HTR1F: variants seen among roughly 807,000 people sequenced by gnomAD.
HTR1F encodes 5-hydroxytryptamine (serotonin) receptor 1F, G protein-coupled.
A neutral mutation model predicts 24.0 loss-of-function variants in HTR1F; 17 were observed. That is an observed-to-expected ratio of 0.71 (90% CI 0.48 to 1.06). The LOEUF (loss-of-function observed/expected upper bound fraction) is 1.06. Among genes scored for constraint, HTR1F ranks in the 50% least tolerant of loss-of-function variants. HTR1F has a pLI of 0.00. For synonymous variants in HTR1F, 186 were observed against 156.8 expected, an observed-to-expected ratio of 1.19 and a Z score of -1.39; for missense variants, 391 against 427.8, an observed-to-expected ratio of 0.91 and a Z score of 0.76.
chr3:87,834,330 C>A (rs1199895096), intron 2 of HTR1F, among the ~76,000 whole-genome samples: 3 of 151,766 alleles, frequency 2.0e-5, no homozygotes, highest in African/African-American at 7.3e-5. Context: ...TATATGCGCA[C>A]AAATACTCAT....
At chr3:87,939,438 CAGA>C (rs1344524424) in intron 2 of HTR1F, among the ~76,000 whole-genome samples, 11 of 152,236 alleles carry the variant, frequency 7.2e-5, no homozygotes, top group Admixed American at 7.2e-4. Context: ...GGAATAATTT[CAGA>C]AGGAATGGTA....
In HTR1F at chr3:87,914,650, C is replaced by T. The variant is rs547325798; in HGVS notation, c.-42-76058C>T. ...TCCTAGGTACACAATTCCATTGACC[C>T]GGGAACCTCACCCCCATCCTCCACA... On this transcript the variant is annotated intron_variant, in intron 2 of 2. Coordinates refer to ENST00000319595, the MANE Select transcript of HTR1F (RefSeq NM_001322209.2). 1.3e-4 allele frequency among the ~76,000 whole-genome samples: 20 copies of T among 152,074 alleles called. No homozygotes were observed. In the South Asian group the frequency reaches 3.1e-3, roughly 24 times the overall value.
At chr3:87,916,317 A>G (rs1338383783) in intron 2 of HTR1F, among the ~76,000 whole-genome samples, 6 of 150,976 alleles carry the variant, frequency 4.0e-5, no homozygotes, top group Middle Eastern at 3.4e-3. Flanking sequence ...AAGAAAAAAA[A>G]AAAAAAAAAA....
chr3:87,820,963 A>G (rs1295678105), intron 1 of HTR1F, among the ~76,000 whole-genome samples: 1 of 152,194 alleles, frequency 6.6e-6, no homozygotes, highest in Non-Finnish European at 1.5e-5. Context: ...CAAATCAACT[A>G]TCTTTCAACT....
intron 2 of HTR1F, among the ~76,000 whole-genome samples, chr3:87,940,325 C>T (rs1416355467): frequency 1.3e-5 from 2 of 152,088 alleles, no homozygotes; most frequent in Non-Finnish European, 1.5e-5. Context: ...AATCAATGTG[C>T]AAAAATCACA....
intron 2 of HTR1F, among the ~76,000 whole-genome samples, chr3:87,937,083 C>CCA (rs528673029): frequency 0.018 from 2,038 of 113,876 alleles, 30 homozygotes; most frequent in Admixed American, 0.022. Context: ...TGAAACTACC[C>CCA]AAAAAAAAAA....
chr3:87,976,276 A>C (rs576519645), intron 2 of HTR1F, among the ~76,000 whole-genome samples: 1 of 152,348 alleles, frequency 6.6e-6, no homozygotes, highest in Non-Finnish European at 1.5e-5. Flanking sequence ...TATAAGTAAC[A>C]GTCTAGTTCC....
At chr3:87,807,358 C>A (rs1226318736) in intron 1 of HTR1F, among the ~76,000 whole-genome samples, 8 of 151,420 alleles carry the variant, frequency 5.3e-5, no homozygotes, top group African/African-American at 1.9e-4. Flanking sequence ...ACATTTATTC[C>A]TAGGTATTTT....
At chr3:87,945,904 C>T (rs1222557884) in intron 2 of HTR1F, among the ~76,000 whole-genome samples, 1 of 152,252 alleles carries the variant, frequency 6.6e-6, no homozygotes, top group East Asian at 1.9e-4. Context: ...TGGCGGGCTG[C>T]TTCCAAAATG....
chr3:87,933,460 G>A (rs1343529106), intron 2 of HTR1F, among the ~76,000 whole-genome samples: 1 of 152,192 alleles, frequency 6.6e-6, no homozygotes, highest in Non-Finnish European at 1.5e-5. Flanking sequence ...AAACCCCATT[G>A]TCTAAGCTCA....
At chr3:87,987,679 AT>A (rs1559660089) in intron 2 of HTR1F, among the ~76,000 whole-genome samples, 1 of 133,228 alleles carries the variant, frequency 7.5e-6, no homozygotes, top group Non-Finnish European at 1.6e-5. Flanking sequence ...TATTATATAT[AT>A]ATTTTATATA....
chr3:87,956,381 T>C (rs542395896), intron 2 of HTR1F, among the ~76,000 whole-genome samples: 2 of 151,518 alleles, frequency 1.3e-5, no homozygotes, highest in Admixed American at 6.6e-5. Flanking sequence ...GACGTATATC[T>C]CTGCTGTTCA....
chr3:87,978,404 G>A (rs1039832425), intron 2 of HTR1F, among the ~76,000 whole-genome samples: 2 of 152,174 alleles, frequency 1.3e-5, no homozygotes, highest in Non-Finnish European at 2.9e-5. Flanking sequence ...CAGGAAGAAT[G>A]ATAACTAGAG....
At chr3:87,955,193 G>GT (rs1186306224) in intron 2 of HTR1F, among the ~76,000 whole-genome samples, 1 of 151,408 alleles carries the variant, frequency 6.6e-6, no homozygotes, top group Non-Finnish European at 1.5e-5. Context: ...GACTCCTCAG[G>GT]TTTTTTTGCA....
intron 2 of HTR1F, among the ~76,000 whole-genome samples, chr3:87,985,427 A>T (rs1576123196): frequency 6.6e-6 from 1 of 152,292 alleles, no homozygotes; most frequent in East Asian, 1.9e-4. Context: ...CAGAGAGAAA[A>T]ATGGTGGTTA....
At chr3:87,798,722 T>C (rs963546525) in intron 1 of HTR1F, among the ~76,000 whole-genome samples, 1 of 152,146 alleles carries the variant, frequency 6.6e-6, no homozygotes, top group Admixed American at 6.5e-5. Flanking sequence ...ACTATATTAT[T>C]AAATCAGAAG....
chr3:87,826,664 G>T (rs1006472838), intron 2 of HTR1F, among the ~76,000 whole-genome samples: 1 of 152,108 alleles, frequency 6.6e-6, no homozygotes, highest in African/African-American at 2.4e-5. Flanking sequence ...CTTCGATAAC[G>T]TCTCTTTAAG....
In HTR1F at chr3:87,849,811, G is replaced by A. The variant is rs28830309; in HGVS notation, c.-43+27687G>A. Among the ~76,000 whole-genome samples the A allele has an allele frequency of 3.0e-3, 457 of 151,904 alleles. 12 individuals carry two copies. The East Asian group carries it at 0.039, about 13-fold the overall frequency. ...AAGTGGGCGAAAGATATGAACAGAC[G>A]CTTCTCAAAAGAGGACATTTATGCA... On this transcript the variant is annotated intron_variant, in intron 2 of 2. Transcript: ENST00000319595.
At chr3:87,840,617 A>T (rs1288674304) in intron 2 of HTR1F, among the ~76,000 whole-genome samples, 3 of 152,032 alleles carry the variant, frequency 2.0e-5, no homozygotes, top group Admixed American at 6.6e-5. Context: ...AAGTACTTGA[A>T]ATTAATATGC....
Sources: allele counts gnomAD v4.1 joint callset (sites outside exome capture counted in the v4.1 genomes callset), GRCh38; gene constraint gnomAD v4.1.1; transcripts MANE v1.5; gene names NCBI Gene and HGNC (gene_info 2026-07-23, HGNC 2026-07-21).